Variants in TENM3 observed in about 807,000 individuals in gnomAD.
The protein encoded by TENM3 is teneurin transmembrane protein 3.
A neutral mutation model predicts 255.1 loss-of-function variants in TENM3; 63 were observed. That is an observed-to-expected ratio of 0.25 (90% CI 0.20 to 0.30). The LOEUF (loss-of-function observed/expected upper bound fraction) is 0.30. Among genes scored for constraint, TENM3 ranks in the 10% least tolerant of loss-of-function variants. The pLI is 1.00. For synonymous variants in TENM3, 1,306 were observed against 1,322.3 expected, an observed-to-expected ratio of 0.99 and a Z score of 0.27; for missense variants, 2,929 against 3,461.1, an observed-to-expected ratio of 0.85 and a Z score of 3.86.
chr4:182,081,300 G>C, the TENM3 span, among the ~76,000 whole-genome samples: 2 of 152,060 alleles, frequency 1.3e-5, no homozygotes, highest in Non-Finnish European at 2.9e-5. Context: ...TCTCAGGCCA[G>C]GTGTGGTGGC....
chr4:182,025,020 A>ATTTTTTTTTTTTTTTTTTT, the TENM3 span, among the ~76,000 whole-genome samples: 9 of 121,110 alleles, frequency 7.4e-5, no homozygotes, highest in African/African-American at 2.7e-4. Context: ...ACAGGATTTC[A>ATTTTTTTTTTTTTTTTTTT]TTTTTTTTTT....
the TENM3 span, among the ~76,000 whole-genome samples, chr4:181,860,291 G>T: frequency 2.6e-5 from 4 of 152,110 alleles, no homozygotes; most frequent in East Asian, 7.7e-4. Flanking sequence ...AATTTACTTT[G>T]GTTTGATTTT....
At chr4:182,743,698 T>G (rs1194601718) in intron 19 of TENM3, among the ~76,000 whole-genome samples, 1 of 152,166 alleles carries the variant, frequency 6.6e-6, no homozygotes, top group Admixed American at 6.5e-5. Context: ...GCTATGATTC[T>G]TAAATCTCTT....
the TENM3 span, among the ~76,000 whole-genome samples, chr4:181,749,961 T>C: frequency 6.6e-6 from 1 of 152,208 alleles, no homozygotes; most frequent in Non-Finnish European, 1.5e-5. Flanking sequence ...GATTCATCTC[T>C]GTGTCTTCAG....
At chr4:182,774,303 T>A (rs1764503837) in intron 23 of TENM3, among the ~76,000 whole-genome samples, 1 of 152,204 alleles carries the variant, frequency 6.6e-6, no homozygotes, top group African/African-American at 2.4e-5. Context: ...TCTCTAACCA[T>A]CTAAAACTGC....
At chr4:182,243,644 C>G (rs1467730683) in intron 1 of TENM3, among the ~76,000 whole-genome samples, 168 bp downstream of exon 1, 1 of 151,392 alleles carries the variant, frequency 6.6e-6, no homozygotes, top group Non-Finnish European at 1.5e-5. Flanking sequence ...ATGGAGAGGG[C>G]AAATCTGGGC....
At chr4:182,047,087 AG>A in the TENM3 span, among the ~76,000 whole-genome samples, 1 of 152,048 alleles carries the variant, frequency 6.6e-6, no homozygotes, top group East Asian at 2.0e-4. Flanking sequence ...GCTTCTGACT[AG>A]AAAGTTCTGC....
At chr4:182,586,257 T>C (rs1249504490) in intron 3 of TENM3, among the ~76,000 whole-genome samples, 2 of 152,176 alleles carry the variant, frequency 1.3e-5, no homozygotes, top group Non-Finnish European at 2.9e-5. Context: ...ACCCTCTCTC[T>C]TAGAGGCACA....
At position 182,799,635 on chromosome 4, in the gene TENM3, A is replaced by C; in HGVS notation, c.7384A>C (p.Lys2462Gln). Residue 2462 changes from lysine (K) to glutamine (Q), a missense_variant, in exon 28 of 28, where the codon AAG (lysine) becomes CAG (glutamine). Transcript: ENST00000511685. The surrounding 1 kb of genome is among the most constrained non-coding windows in gnomAD (Gnocchi z 4.2). ...GVQQQVARQA[K>Q]AFLSLGKMAE... ...CCAGCAGCAAGTGGCGCGGCAGGCCAAGGCCTTCCTGTCGCTGGGGAAGAT... is the reference window on the plus strand; with the variant it reads ...CCAGCAGCAAGTGGCGCGGCAGGCCCAGGCCTTCCTGTCGCTGGGGAAGAT... 6.5e-7 allele frequency: 1 copy of C among 1,545,892 alleles called. No individual in the cohort carries two copies. The highest frequency in any genetic ancestry group is 1.4e-5 in the African/African-American group (1 of 73,134).
chr4:182,622,509 C>T (rs1219317481), intron 4 of TENM3, among the ~76,000 whole-genome samples: 3 of 152,136 alleles, frequency 2.0e-5, no homozygotes, highest in Non-Finnish European at 2.9e-5. Context: ...TAGATATTCA[C>T]GTTTTTAGTG....
the TENM3 span, among the ~76,000 whole-genome samples, chr4:181,542,422 C>T: frequency 6.6e-6 from 1 of 152,094 alleles, no homozygotes; most frequent in African/African-American, 2.4e-5. Flanking sequence ...TTTTGAGTAG[C>T]AGATTTGATT....
chr4:182,453,755 A>G (rs1027006762), intron 3 of TENM3, among the ~76,000 whole-genome samples: 1 of 152,110 alleles, frequency 6.6e-6, no homozygotes, highest in South Asian at 2.1e-4. Flanking sequence ...TGTAATCTGG[A>G]TCTCTTTTTA....
At chr4:181,782,547 G>A in the TENM3 span, among the ~76,000 whole-genome samples, 1 of 151,794 alleles carries the variant, frequency 6.6e-6, no homozygotes, top group Non-Finnish European at 1.5e-5. Context: ...TCTATCAATT[G>A]TGTTGATCTT....
intron 3 of TENM3, among the ~76,000 whole-genome samples, chr4:182,412,815 A>G (rs981996107): frequency 6.6e-6 from 1 of 151,288 alleles, no homozygotes; most frequent in Non-Finnish European, 1.5e-5. Context: ...CAGTGAGCCG[A>G]GATCACACCA....
intron 12 of TENM3, among the ~76,000 whole-genome samples, chr4:182,710,271 A>G (rs533220023): frequency 1.3e-5 from 2 of 152,358 alleles, no homozygotes; most frequent in South Asian, 2.1e-4. Context: ...CAAATCATCA[A>G]TTAAGCTGTT....
the TENM3 span, among the ~76,000 whole-genome samples, chr4:181,478,942 T>C: frequency 1.3e-5 from 2 of 152,200 alleles, no homozygotes; most frequent in Non-Finnish European, 2.9e-5. Context: ...GGGTTTTACA[T>C]ATAAATAAGT....
chr4:182,076,522 C>G, the TENM3 span, among the ~76,000 whole-genome samples: 2 of 152,182 alleles, frequency 1.3e-5, no homozygotes, highest in Non-Finnish European at 2.9e-5. Context: ...TCTTTATAAT[C>G]AAATTCCAGT....
the TENM3 span, among the ~76,000 whole-genome samples, chr4:181,871,388 C>T: frequency 6.6e-6 from 1 of 151,700 alleles, no homozygotes; most frequent in Admixed American, 6.6e-5. Context: ...AATATGGTAA[C>T]TCTCTCCTTT....
At chr4:182,621,332 A>G (rs1046141846) in intron 4 of TENM3, among the ~76,000 whole-genome samples, 2 of 151,984 alleles carry the variant, frequency 1.3e-5, no homozygotes. Flanking sequence ...GCATTTCTGT[A>G]TTTATTATGC....
Sources: gnomAD v4.1 joint callset for allele counts (sites outside exome capture counted in the v4.1 genomes callset) on GRCh38, gnomAD v4.1.1 for gene constraint, Gnocchi (gnomAD v3.1) non-coding constraint, MANE v1.5 for transcripts, NCBI Gene and HGNC (gene_info 2026-07-23, HGNC 2026-07-21) for gene names.